The following MBNL3 variants were observed in gnomAD, a reference collection of about 807,000 sequenced individuals.
The protein encoded by MBNL3 is muscleblind like splicing regulator 3.
MBNL3 carries 6 observed loss-of-function variants against 24.5 expected under a neutral mutation model. The observed-to-expected ratio is 0.25, with a 90% CI of 0.13 to 0.48. The LOEUF (loss-of-function observed/expected upper bound fraction) is 0.48. Ranked by LOEUF, MBNL3 falls within the 20% of genes least tolerant of loss-of-function variation. MBNL3 has a pLI of 0.99. For missense variants in MBNL3, 230 were observed against 293.5 expected (o/e 0.78, Z 1.58); for synonymous variants, 100 against 101.7 (o/e 0.98, Z 0.10).
At chrX:132,451,347 T>A (rs951850711) in intron 1 of MBNL3, among the ~76,000 whole-genome samples, 2 of 112,204 alleles carry the variant, frequency 1.8e-5, no homozygotes, top group Non-Finnish European at 3.8e-5. Context: ...GCTGCTGCCT[T>A]TCTTTCAGAG....
At chrX:132,449,539 G>GTGTGTCTCTGCACATGAGA (rs1945946790) in intron 1 of MBNL3, among the ~76,000 whole-genome samples, 1 of 81,472 alleles carries the variant, frequency 1.2e-5, no homozygotes, top group Admixed American at 1.7e-4. Flanking sequence ...TTGATCCTAT[G>GTGTGTCTCTGCACATGAGA]TGTGTCTCTG....
intron 1 of MBNL3, among the ~76,000 whole-genome samples, chrX:132,487,697 G>A (rs1948081651): frequency 8.9e-6 from 1 of 111,926 alleles, no homozygotes; most frequent in African/African-American, 3.3e-5. Flanking sequence ...TCCCCCAAAA[G>A]TATCGCACAT....
At chrX:132,384,933 T>C (rs896995914) in intron 6 of MBNL3, among the ~76,000 whole-genome samples, 3 of 112,151 alleles carry the variant, frequency 2.7e-5, no homozygotes, top group African/African-American at 9.7e-5. Context: ...AATTTTTCTT[T>C]AAAAGAATTA....
chrX:132,454,980 C>T (rs1250384393), intron 1 of MBNL3, among the ~76,000 whole-genome samples: 1 of 112,035 alleles, frequency 8.9e-6, no homozygotes. Flanking sequence ...AAATTGTGGG[C>T]CTTTCTTTAT....
intron 3 of MBNL3, among the ~76,000 whole-genome samples, chrX:132,396,156 CTT>C (rs1429905576): frequency 1.9e-5 from 2 of 107,786 alleles, no homozygotes; most frequent in African/African-American, 3.4e-5. Flanking sequence ...TGTTTCCTCT[CTT>C]GTTATATAAG....
In MBNL3 at chrX:132,396,580, CTA is replaced by C. The variant is rs747155534; in HGVS notation, c.343-4248_343-4247del. 3.1e-3 allele frequency among the ~76,000 whole-genome samples: 140 copies of C among 45,704 alleles called. 1 individual carries two copies. The highest frequency in any genetic ancestry group is 3.9e-3 in the Non-Finnish European group (109 of 27,832). The allele number at this position is 45,704 out of a possible 115,157, so 39.7% of individuals were successfully genotyped here. ...CCTATATATATTCCTATATATATTCCTATATATATTCCTATATATATTCCTAT... is the reference window on the plus strand; with the variant it reads ...CCTATATATATTCCTATATATATTCCTATATATTCCTATATATATTCCTAT... On this transcript the variant is annotated intron_variant, in intron 3 of 8. Transcript: ENST00000370853.
At chrX:132,462,826 G>A (rs955885566) in intron 1 of MBNL3, among the ~76,000 whole-genome samples, 2 of 111,109 alleles carry the variant, frequency 1.8e-5, no homozygotes, top group Admixed American at 1.9e-4. Context: ...ATATAAAATT[G>A]CTAGAGCTTA....
chrX:132,439,423 G>C lies in MBNL3; in HGVS notation c.177+12C>G, dbSNP rs12852813. 1 of 1,151,522 alleles carries C rather than the reference G, an allele frequency of 8.7e-7. No homozygotes were observed. 94.9% of individuals were successfully genotyped at this position (1,151,522 alleles called of 1,213,427 possible). ...AACAAATTTAAATTATGTGCATTCA[G>C]ATGGGACTCACCTTTAGAGAATCAA... On this transcript the variant is annotated intron_variant, in intron 2 of 8. Transcript: ENST00000370853.
chrX:132,386,993 C>A (rs1413465718), intron 5 of MBNL3, among the ~76,000 whole-genome samples, 182 bp from the exon 6 acceptor site: 1 of 111,370 alleles, frequency 9.0e-6, no homozygotes, highest in East Asian at 2.8e-4. Context: ...GGGTTCACAG[C>A]CGTGTACAGT....
At position 132,390,990 on chromosome X, in the gene MBNL3, C is replaced by T. The variant is rs770798841; in HGVS notation, c.628G>A (p.Asp210Asn). The T allele has an allele frequency of 8.3e-7, 1 of 1,211,060 alleles. No homozygotes were observed. The highest frequency in any genetic ancestry group is 1.1e-6 in the Non-Finnish European group (1 of 895,158). Residue 210 changes from aspartate (D) to asparagine (N), a missense_variant, in exon 5 of 9, where the codon GAT (aspartate) becomes AAT (asparagine). Asp to Asn is a conservative substitution (Grantham distance 23). Coordinates refer to ENST00000370853, the MANE Select transcript of MBNL3 (RefSeq NM_001386889.1). The part of the protein sequence containing the change: ...PTDASMIEAS[D>N]NTVTICMDYI... ...TCCATGCAGATTGTCACAGTATTAT[C>T]ACTCGCTTCAATCATGGAAGCATCA... is the stretch of plus-strand genomic sequence containing the variant.
intron 4 of MBNL3, 107 bp from the exon 5 acceptor site, chrX:132,391,190 A>T: frequency 1.9e-6 from 1 of 535,844 alleles, no homozygotes; most frequent in Non-Finnish European, 3.1e-6. Context: ...ATATACATTG[A>T]ATATATTATG....
At chrX:132,450,646 C>T (rs1205687341) in intron 1 of MBNL3, among the ~76,000 whole-genome samples, 1 of 112,180 alleles carries the variant, frequency 8.9e-6, no homozygotes, top group Non-Finnish European at 1.9e-5. Context: ...TTATTACCCA[C>T]CTTCTGAAGC....
intron 1 of MBNL3, among the ~76,000 whole-genome samples, chrX:132,463,230 G>A (rs1410742422): frequency 8.9e-6 from 1 of 112,259 alleles, no homozygotes; most frequent in East Asian, 2.8e-4. Context: ...GGGAGGCTGA[G>A]GTGGGTGGAT....
At chrX:132,461,987 A>C (rs1946652353) in intron 1 of MBNL3, among the ~76,000 whole-genome samples, 2 of 112,090 alleles carry the variant, frequency 1.8e-5, no homozygotes, top group Admixed American at 1.9e-4. Context: ...TTTTTGCTTT[A>C]ATATGAAAGC....
chrX:132,472,784 A>G (rs1361368526), intron 1 of MBNL3, among the ~76,000 whole-genome samples: 2 of 112,214 alleles, frequency 1.8e-5, no homozygotes, highest in Non-Finnish European at 3.8e-5. Flanking sequence ...ACTTGTTAAA[A>G]ATACTATTTT....
At chrX:132,396,957 TTC>T (rs1939802114) in intron 3 of MBNL3, among the ~76,000 whole-genome samples, 1 of 83,565 alleles carries the variant, frequency 1.2e-5, no homozygotes, top group Non-Finnish European at 2.2e-5. Flanking sequence ...TTCATATATA[TTC>T]ATATATATAT....
chrX:132,409,792 G>T (rs1052010772), intron 2 of MBNL3, among the ~76,000 whole-genome samples: 17 of 111,588 alleles, frequency 1.5e-4, no homozygotes, highest in African/African-American at 5.5e-4. Context: ...CAAAATTAAA[G>T]AAACGTTGAA....
chrX:132,436,180 C>A (rs978752523), intron 2 of MBNL3, among the ~76,000 whole-genome samples: 8 of 111,697 alleles, frequency 7.2e-5, no homozygotes, highest in African/African-American at 2.6e-4. Context: ...CACAAGGCAA[C>A]AGAGTCAAAA....
intron 3 of MBNL3, among the ~76,000 whole-genome samples, chrX:132,393,660 A>C (rs1383826104): frequency 1.8e-5 from 2 of 111,693 alleles, no homozygotes; most frequent in African/African-American, 6.5e-5. Context: ...ATGAATAATA[A>C]ATCATGACTA....
Sources: allele counts gnomAD v4.1 joint callset (sites outside exome capture counted in the v4.1 genomes callset), GRCh38; gene constraint gnomAD v4.1.1; transcripts MANE v1.5; gene names NCBI Gene and HGNC (gene_info 2026-07-23, HGNC 2026-07-21).